Variants in MYCBP2 observed in about 807,000 individuals in gnomAD.
MYCBP2 encodes MYC binding protein 2.
In MYCBP2, 120 loss-of-function variants were observed where a neutral mutation model predicts 525.3. That is an observed-to-expected ratio of 0.23 (90% CI 0.20 to 0.27). The LOEUF is 0.27. Among genes scored for constraint, MYCBP2 ranks in the 10% least tolerant of loss-of-function variants. The probability of loss-of-function intolerance (pLI) is 1.00; values close to 1 mark genes in which losing one functional copy is unlikely to be tolerated. For missense variants in MYCBP2, 4,149 were observed against 5,657.1 expected (o/e 0.73, Z 8.55); for synonymous variants, 1,894 against 1,955.8 (o/e 0.97, Z 0.83).
At chr13:77,233,101 T>C (rs528323655) in intron 18 of MYCBP2, 55 bp downstream of exon 18, 3 of 1,465,788 alleles carry the variant, frequency 2.0e-6, no homozygotes, top group East Asian at 4.6e-5. Context: ...AAAATTCAAA[T>C]GAGTGGAAGA....
At chr13:77,251,095 T>G in intron 15 of MYCBP2, 56 bp downstream of exon 15, 2 of 1,542,408 alleles carry the variant, frequency 1.3e-6, no homozygotes, top group South Asian at 2.3e-5. Flanking sequence ...TCCGGAATGA[T>G]TTTGCAAAGA....
At chr13:77,045,658 A>C (rs1188060505) in intron 82 of MYCBP2, among the ~76,000 whole-genome samples, 165 bp from the exon 83 acceptor site, 1 of 152,234 alleles carries the variant, frequency 6.6e-6, no homozygotes, top group African/African-American at 2.4e-5. Flanking sequence ...AAAGTAAAAA[A>C]TGTTCACTAT....
chr13:77,194,668 T>C (rs2154261676), intron 26 of MYCBP2, among the ~76,000 whole-genome samples: 1 of 152,232 alleles, frequency 6.6e-6, no homozygotes, highest in South Asian at 2.1e-4. Context: ...GGACCTAGTT[T>C]CCTCATCCAT....
At chr13:77,291,442 C>A (rs2077458511) in intron 2 of MYCBP2, among the ~76,000 whole-genome samples, 1 of 152,154 alleles carries the variant, frequency 6.6e-6, no homozygotes, top group Non-Finnish European at 1.5e-5. Context: ...ATTGGAACAA[C>A]CACTTTGGAA....
intron 80 of MYCBP2, among the ~76,000 whole-genome samples, chr13:77,054,976 G>A (rs1255296670): frequency 6.6e-6 from 1 of 152,084 alleles, no homozygotes; most frequent in Non-Finnish European, 1.5e-5. Context: ...GTACGCAGTT[G>A]GTTATTTGTA....
intron 32 of MYCBP2, among the ~76,000 whole-genome samples, chr13:77,184,413 T>G (rs2060537804): frequency 2.0e-5 from 3 of 152,214 alleles, no homozygotes; most frequent in Non-Finnish European, 2.9e-5. Context: ...ATGATCTACC[T>G]TAGTGAATGG....
intron 55 of MYCBP2, among the ~76,000 whole-genome samples, chr13:77,103,661 T>A (rs970984832): frequency 2.7e-5 from 4 of 150,026 alleles, no homozygotes; most frequent in Admixed American, 1.3e-4. Context: ...GATTTACAAG[T>A]TTTTTTTTAA....
At chr13:77,307,733 T>C (rs188116588) in intron 1 of MYCBP2, among the ~76,000 whole-genome samples, 17 of 151,952 alleles carry the variant, frequency 1.1e-4, no homozygotes, top group Admixed American at 1.1e-3. Flanking sequence ...CCACAAACTT[T>C]CTAGTAGCCA....
At chr13:77,131,726 T>C (rs1165563095) in intron 52 of MYCBP2, among the ~76,000 whole-genome samples, 6 of 152,134 alleles carry the variant, frequency 3.9e-5, no homozygotes, top group South Asian at 2.1e-4. Flanking sequence ...AACACACATA[T>C]ATATAAAATA....
intron 59 of MYCBP2, 64 bp from the exon 60 acceptor site, chr13:77,090,327 A>G: frequency 7.5e-7 from 1 of 1,338,020 alleles, no homozygotes; most frequent in Admixed American, 2.4e-5. Context: ...AACTATACTT[A>G]TAATGATGCA....
rs537525313 is a variant in MYCBP2, at chr13:77,150,811, C to T, written c.7054G>A (p.Ala2352Thr). ...SNTDMTYGGL[A>T]SPKLDVSYEP... Reference sequence around the variant, plus strand: ...TATGAAACATCTAGCTTTGGTGATGCCAGCCCTCCATAAGTCATGTCAGTA... The same window carrying T: ...TATGAAACATCTAGCTTTGGTGATGTCAGCCCTCCATAAGTCATGTCAGTA... Residue 2352 changes from alanine to threonine, a missense_variant, in exon 47 of 83, where the codon GCA (alanine) becomes ACA (threonine). Coordinates refer to ENST00000544440, the MANE Select transcript of MYCBP2 (RefSeq NM_015057.5). 1 of 1,614,082 alleles carries T rather than the reference C, an allele frequency of 6.2e-7. No homozygotes were observed. Among genetic ancestry groups the T allele is most frequent in the East Asian group, 2.2e-5 (1 of 44,868 alleles).
intron 27 of MYCBP2, among the ~76,000 whole-genome samples, chr13:77,193,948 T>C (rs1459616508): frequency 6.6e-6 from 1 of 152,194 alleles, no homozygotes; most frequent in East Asian, 1.9e-4. Context: ...AGTTGACTTA[T>C]GAAATAAATT....
At chr13:77,144,922 C>T (rs2055281152) in intron 48 of MYCBP2, among the ~76,000 whole-genome samples, 1 of 152,210 alleles carries the variant, frequency 6.6e-6, no homozygotes, top group Non-Finnish European at 1.5e-5. Context: ...AGTCCCTCCC[C>T]TTGTGCTGTG....
chr13:77,163,153 A>G (rs894326839), intron 43 of MYCBP2, among the ~76,000 whole-genome samples: 1 of 152,176 alleles, frequency 6.6e-6, no homozygotes, highest in African/African-American at 2.4e-5. Flanking sequence ...AGGTTTTACA[A>G]TCACAAGCAC....
At chr13:77,126,850 TA>T (rs1408157738) in intron 52 of MYCBP2, among the ~76,000 whole-genome samples, 1 of 152,054 alleles carries the variant, frequency 6.6e-6, no homozygotes, top group Non-Finnish European at 1.5e-5. Context: ...ATGCAATATT[TA>T]AAGTTGGAAA....
Position 77,175,532 on chromosome 13 carries a change from C to T in MYCBP2, c.5472+965G>A, listed in dbSNP as rs117392941. On this transcript the variant is annotated intron_variant, in intron 36 of 82. Transcript: ENST00000544440. ...GTATCTAAATTCTTCCTGATGAAACCTCTCGTGTACCGATCTTATCCAAAA... is the reference window on the plus strand; with the variant it reads ...GTATCTAAATTCTTCCTGATGAAACTTCTCGTGTACCGATCTTATCCAAAA... Among the ~76,000 whole-genome samples, 23 of 152,234 alleles carry T rather than the reference C, an allele frequency of 1.5e-4. No individual in the cohort carries two copies. The East Asian group carries it at 3.3e-3, about 22-fold the overall frequency.
At chr13:77,307,988 T>C (rs1195737641) in intron 1 of MYCBP2, among the ~76,000 whole-genome samples, 1 of 152,214 alleles carries the variant, frequency 6.6e-6, no homozygotes, top group African/African-American at 2.4e-5. Flanking sequence ...TATCTGCTCA[T>C]GTTCTATATT....
chr13:77,072,587 T>C (rs1239456192), intron 68 of MYCBP2, among the ~76,000 whole-genome samples: 1 of 151,502 alleles, frequency 6.6e-6, no homozygotes, highest in Non-Finnish European at 1.5e-5. Flanking sequence ...TAGAGGAAAA[T>C]CAATGAAACA....
chr13:77,163,526 T>A (rs1054112235), intron 43 of MYCBP2, among the ~76,000 whole-genome samples: 4 of 152,138 alleles, frequency 2.6e-5, no homozygotes, highest in African/African-American at 9.7e-5. Context: ...AAACCATGTA[T>A]AAATATTAGA....
Sources: allele counts gnomAD v4.1 joint callset (sites outside exome capture counted in the v4.1 genomes callset), GRCh38; gene constraint gnomAD v4.1.1; transcripts MANE v1.5; gene names NCBI Gene and HGNC (gene_info 2026-07-23, HGNC 2026-07-21).